ANKFN1: variants seen among roughly 807,000 people sequenced by gnomAD.
The protein encoded by ANKFN1 is ankyrin repeat and fibronectin type III domain containing 1, also known as ankyrin repeat and fibronectin type-III domain-containing protein 1.
A neutral mutation model predicts 108.7 loss-of-function variants in ANKFN1; 74 were observed. That is an observed-to-expected ratio of 0.68 (90% CI 0.56 to 0.83). The LOEUF (loss-of-function observed/expected upper bound fraction) is 0.83, where lower values mean the gene tolerates loss of function less well. ANKFN1 is among the 40% of genes least tolerant of loss of function. The pLI, the probability that ANKFN1 is intolerant of heterozygous loss-of-function variation, is 0.00. For missense variants in ANKFN1, 1,505 were observed against 1,382.3 expected (o/e 1.09, Z -1.41); for synonymous variants, 547 against 516.2 (o/e 1.06, Z -0.81).
At chr17:56,220,467 G>T (rs922277114) in intron 2 of ANKFN1, among the ~76,000 whole-genome samples, 2 of 151,866 alleles carry the variant, frequency 1.3e-5, no homozygotes, top group South Asian at 2.1e-4. Flanking sequence ...GACCAGCCTG[G>T]GTAACATGGC....
intron 1 of ANKFN1, among the ~76,000 whole-genome samples, chr17:56,188,897 C>G (rs1912566031): frequency 6.6e-6 from 1 of 151,778 alleles, no homozygotes; most frequent in Non-Finnish European, 1.5e-5. Flanking sequence ...AATTTTCAGT[C>G]CCATTTCCCC....
At chr17:56,213,635 C>T (rs889618834) in intron 2 of ANKFN1, among the ~76,000 whole-genome samples, 3 of 152,178 alleles carry the variant, frequency 2.0e-5, no homozygotes, top group African/African-American at 7.2e-5. Flanking sequence ...CAGGTGCCAT[C>T]CTAAGTGCTG....
chr17:56,047,289 C>G (rs942085248), intron 4 of ANKFN1, among the ~76,000 whole-genome samples: 38 of 151,926 alleles, frequency 2.5e-4, no homozygotes, highest in African/African-American at 8.4e-4. Flanking sequence ...CTCAGCATGT[C>G]ATGCTGAATG....
Position 56,372,634 on chromosome 17 carries a change from C to T in ANKFN1, c.602-12C>T. 1 of 1,602,724 alleles carries T rather than the reference C, an allele frequency of 6.2e-7. No homozygotes were observed. Among genetic ancestry groups the T allele is most frequent in the Non-Finnish European group, 8.5e-7 (1 of 1,175,104 alleles). On this transcript the variant is annotated splice_polypyrimidine_tract_variant and intron_variant, in intron 6 of 20. Transcript: ENST00000682825. ...GAAAGAAAGAGAAGTAATCCCATTTCTTTCCCTTTAGTTGTCAGCCTGGAA... is the reference window on the plus strand; with the variant it reads ...GAAAGAAAGAGAAGTAATCCCATTTTTTTCCCTTTAGTTGTCAGCCTGGAA...
chr17:56,238,269 G>T (rs1332807442), intron 3 of ANKFN1, among the ~76,000 whole-genome samples: 3 of 152,120 alleles, frequency 2.0e-5, no homozygotes, highest in Admixed American at 2.0e-4. Flanking sequence ...ACAGAGTTCT[G>T]TTGAGGTCTA....
chr17:56,353,290 C>CA (rs1460881270), intron 5 of ANKFN1, among the ~76,000 whole-genome samples: 1 of 150,132 alleles, frequency 6.7e-6, no homozygotes, highest in Non-Finnish European at 1.5e-5. Context: ...GGCTGGAGTT[C>CA]AGTGGCGCAA....
chr17:56,225,805 A>G (rs1257698659), intron 2 of ANKFN1, among the ~76,000 whole-genome samples: 3 of 152,240 alleles, frequency 2.0e-5, no homozygotes, highest in Admixed American at 1.3e-4. Flanking sequence ...GATCAGTAAC[A>G]TTGAATTGAA....
chr17:56,276,430 G>A (rs186483238), intron 3 of ANKFN1, among the ~76,000 whole-genome samples: 1 of 152,232 alleles, frequency 6.6e-6, no homozygotes, highest in East Asian at 1.9e-4. Context: ...TCGCCACACT[G>A]TCTTCCACAA....
intron 4 of ANKFN1, among the ~76,000 whole-genome samples, chr17:56,341,970 C>T (rs542312708): frequency 2.6e-5 from 4 of 152,068 alleles, no homozygotes; most frequent in Admixed American, 2.6e-4. Context: ...TTTATTACTG[C>T]ATCAATTTCA....
intron 3 of ANKFN1, among the ~76,000 whole-genome samples, chr17:56,249,628 A>G (rs1200364698): frequency 6.6e-6 from 1 of 152,176 alleles, no homozygotes; most frequent in Non-Finnish European, 1.5e-5. Flanking sequence ...CTATGAATAG[A>G]CAGCTAGACT....
chr17:56,333,054 A>G (rs1310219742), intron 4 of ANKFN1, among the ~76,000 whole-genome samples: 1 of 151,504 alleles, frequency 6.6e-6, no homozygotes, highest in Non-Finnish European at 1.5e-5. Context: ...CAGGCTTTTC[A>G]TAAGTAGATT....
In ANKFN1 at chr17:56,214,151, G is replaced by T. The variant is rs553329349; in HGVS notation, c.12+1472G>T. On this transcript the variant is annotated intron_variant, in intron 2 of 20. Coordinates refer to ENST00000682825, the MANE Select transcript of ANKFN1 (RefSeq NM_001370326.1). ...CTGTATTTATTAAGAGAATACATCA[G>T]ACTTCACAAAAATGTGGGGAGGTCT... 2.3e-3 allele frequency among the ~76,000 whole-genome samples: 357 copies of T among 152,306 alleles called. 2 individuals are homozygous for T. Among genetic ancestry groups the T allele is most frequent in the African/African-American group, 8.2e-3 (340 of 41,566 alleles).
Position 56,300,572 on chromosome 17 carries a change from C to T in ANKFN1, c.54-25649C>T, listed in dbSNP as rs766718180. Among the ~76,000 whole-genome samples, 52 of 151,628 alleles carry T rather than the reference C, an allele frequency of 3.4e-4. 1 individual carries two copies. The highest frequency in any genetic ancestry group is 7.2e-4 in the Non-Finnish European group (49 of 67,976). On this transcript the variant is annotated intron_variant, in intron 3 of 20. Coordinates refer to ENST00000682825, the MANE Select transcript of ANKFN1 (RefSeq NM_001370326.1). The stretch of plus-strand genomic sequence containing the variant: ...GATATTTTTTAGCCTTTCCTCTCTC[C>T]CTTAGACACAGGAAATTGTTTTTTT...
intron 4 of ANKFN1, among the ~76,000 whole-genome samples, chr17:56,106,012 A>T (rs182701062): frequency 6.6e-6 from 1 of 152,180 alleles, no homozygotes; most frequent in Admixed American, 6.5e-5. Context: ...GAAGTTGAGA[A>T]ACCTTGATTT....
At chr17:56,204,039 A>AAATT (rs1451060261) in intron 1 of ANKFN1, among the ~76,000 whole-genome samples, 6 of 151,628 alleles carry the variant, frequency 4.0e-5, no homozygotes, top group African/African-American at 1.2e-4. Flanking sequence ...TGTTTATATT[A>AAATT]AATTAATTAA....
rs1169816757 is a variant in ANKFN1 at position 56,515,322 on chromosome 17, T to A, written c.*4053T>A. Among the ~76,000 whole-genome samples, 2 of 152,178 alleles carry A rather than the reference T, an allele frequency of 1.3e-5. No individual in the cohort carries two copies. The highest frequency in any genetic ancestry group is 1.9e-4 in the East Asian group (1 of 5,198). ...TAGCTGTAGATTAACAAAGGAACAC[T>A]CTCTGAGAATTTAAACTGTTGCATG... is the stretch of plus-strand genomic sequence containing the variant. On this transcript the variant is annotated 3_prime_UTR_variant, in exon 21 of 21. Coordinates refer to ENST00000682825, the MANE Select transcript of ANKFN1 (RefSeq NM_001370326.1).
At chr17:56,277,950 T>C (rs1375006891) in intron 3 of ANKFN1, among the ~76,000 whole-genome samples, 1 of 152,156 alleles carries the variant, frequency 6.6e-6, no homozygotes, top group Admixed American at 6.5e-5. Context: ...ACGAATAAGA[T>C]CAAGACATGA....
At chr17:56,373,075 C>T (rs1186624613) in intron 7 of ANKFN1, among the ~76,000 whole-genome samples, 1 of 152,204 alleles carries the variant, frequency 6.6e-6, no homozygotes, top group Non-Finnish European at 1.5e-5. Flanking sequence ...TCTGGCCTCT[C>T]TCCACCATGT....
chr17:56,109,461 C>G (rs1304044401), intron 4 of ANKFN1, among the ~76,000 whole-genome samples: 1 of 152,114 alleles, frequency 6.6e-6, no homozygotes. Context: ...GTACCACCTC[C>G]CCCGTGGTGA....
Sources: gnomAD v4.1 joint callset for allele counts (sites outside exome capture counted in the v4.1 genomes callset) on GRCh38, gnomAD v4.1.1 for gene constraint, MANE v1.5 for transcripts, NCBI Gene and HGNC (gene_info 2026-07-23, HGNC 2026-07-21) for gene names.